ZNF597: variants seen among roughly 807,000 people sequenced by gnomAD.
ZNF597 encodes zinc finger protein 597.
In ZNF597, 5 loss-of-function variants were observed where a neutral mutation model predicts 7.3. That is an observed-to-expected ratio of 0.68 (90% CI 0.36 to 1.44). The LOEUF (loss-of-function observed/expected upper bound fraction) is 1.44. Ranked by LOEUF, ZNF597 falls within the 40% of genes most tolerant of loss-of-function variation. The pLI, the probability that ZNF597 is intolerant of heterozygous loss-of-function variation, is 0.04. For synonymous variants in ZNF597, 209 were observed against 185.4 expected, an observed-to-expected ratio of 1.13 and a Z score of -1.04; for missense variants, 585 against 517.9, an observed-to-expected ratio of 1.13 and a Z score of -1.26.
intron 2 of ZNF597, among the ~76,000 whole-genome samples, chr16:3,441,302 C>T (rs992783618): frequency 6.6e-6 from 1 of 151,688 alleles, no homozygotes; most frequent in African/African-American, 2.4e-5. Flanking sequence ...AATCCCAACA[C>T]TTTGGGAGTC....
Position 3,432,590 on chromosome 16 carries a change from C to T in ZNF597, c.*3834G>A, listed in dbSNP as rs2034266475. On this transcript the variant is annotated 3_prime_UTR_variant, in exon 4 of 4. Transcript: ENST00000301744. ...ACAATAAATAGAATTCTGAGGTATC[C>T]AAAGGAACTGGAGATTACAGCACAT... 1 of 151,998 alleles carries T rather than the reference C, an allele frequency of 6.6e-6. No individual in the cohort carries two copies. The highest frequency in any genetic ancestry group is 1.5e-5 in the Non-Finnish European group (1 of 67,996). 9.4% of individuals were successfully genotyped at this position (151,998 alleles called of 1,614,324 possible). A position where few individuals can be genotyped will look rare whatever the true frequency, so the allele number is the denominator to read the frequency against.
Position 3,434,916 on chromosome 16 carries a change from C to T in ZNF597, c.*1508G>A, listed in dbSNP as rs777588126. 2.0e-5 allele frequency: 3 copies of T among 152,302 alleles called. No individual in the cohort carries two copies. Among genetic ancestry groups the T allele is most frequent in the African/African-American group, 7.2e-5 (3 of 41,552 alleles). The allele number at this position is 152,302 out of a possible 1,614,324, so 9.4% of individuals were successfully genotyped here. A position where few individuals can be genotyped will look rare whatever the true frequency, so the allele number is the denominator to read the frequency against. On this transcript the variant is annotated 3_prime_UTR_variant, in exon 4 of 4. Transcript: ENST00000301744. ...AAATATTGTTTTGCTGATAGGCATA[C>T]AATCGACTTTAATGAGAAATTGTAT...
rs1227864066 is a variant in ZNF597, at chr16:3,433,136, A to T, written c.*3288T>A. 1.3e-5 allele frequency: 2 copies of T among 152,246 alleles called. No individual in the cohort carries two copies. The highest frequency in any genetic ancestry group is 2.9e-5 in the Non-Finnish European group (2 of 68,046). The allele number at this position is 152,246 out of a possible 1,614,324, so 9.4% of individuals were successfully genotyped here. On this transcript the variant is annotated 3_prime_UTR_variant, in exon 4 of 4. Transcript: ENST00000301744. The stretch of plus-strand genomic sequence containing the variant: ...TTTTAACTCCCTGAATTATTGGGTT[A>T]GTCATTTTCTATGTTAAATGAGGAG...
At position 3,434,042 on chromosome 16, in the gene ZNF597, A is replaced by C. The variant is rs2034277795; in HGVS notation, c.*2382T>G. On this transcript the variant is annotated 3_prime_UTR_variant, in exon 4 of 4. Transcript: ENST00000301744. Reference sequence around the variant, plus strand: ...TGTGGAAAGGCAAACTTCCATATTAAGGTGCAGAACAGGATGTATGGCACA... The same window carrying C: ...TGTGGAAAGGCAAACTTCCATATTACGGTGCAGAACAGGATGTATGGCACA... The C allele has an allele frequency of 6.6e-6, 1 of 152,232 alleles. No homozygotes were observed. The highest frequency in any genetic ancestry group is 2.4e-5 in the African/African-American group (1 of 41,460). 9.4% of individuals were successfully genotyped at this position (152,232 alleles called of 1,614,324 possible). A position where few individuals can be genotyped will look rare whatever the true frequency, so the allele number is the denominator to read the frequency against.
At chr16:3,438,679 A>G (rs2034331640) in intron 3 of ZNF597, among the ~76,000 whole-genome samples, 1 of 152,252 alleles carries the variant, frequency 6.6e-6, no homozygotes, top group African/African-American at 2.4e-5. Context: ...TATTATCACC[A>G]GGAGAACTCT....
At chr16:3,442,858 A>C (rs190431145) in intron 2 of ZNF597, among the ~76,000 whole-genome samples, 10 of 152,252 alleles carry the variant, frequency 6.6e-5, no homozygotes, top group Non-Finnish European at 1.5e-4. Flanking sequence ...TCCAAACAAA[A>C]CAAAACAAAC....
rs1022746721 is a variant in ZNF597, at chr16:3,434,045, T to G, written c.*2379A>C. 1 of 152,182 alleles carries G rather than the reference T, an allele frequency of 6.6e-6. No homozygotes were observed. The highest frequency in any genetic ancestry group is 1.5e-5 in the Non-Finnish European group (1 of 68,046). 9.4% of individuals were successfully genotyped at this position (152,182 alleles called of 1,614,324 possible). The stretch of plus-strand genomic sequence containing the variant: ...GGAAAGGCAAACTTCCATATTAAGG[T>G]GCAGAACAGGATGTATGGCACAAAT... On this transcript the variant is annotated 3_prime_UTR_variant, in exon 4 of 4. Transcript: ENST00000301744.
Position 3,436,598 on chromosome 16 carries a change from C to A in ZNF597, c.1101G>T (p.Arg367Ser), listed in dbSNP as rs773755008. ...ISHQNIHTEE[R>S]PHKCKTCEES... Reference sequence around the variant, plus strand: ...CCTCGCATGTTTTGCACTTATGGGGCCTTTCCTCTGTATGAATGTTCTGAT... The same window carrying A: ...CCTCGCATGTTTTGCACTTATGGGGACTTTCCTCTGTATGAATGTTCTGAT... The change falls in exon 4 of 4, where the codon AGG becomes AGT. Residue 367 changes from arginine (R) to serine (S), a missense_variant. Arg to Ser is a moderately radical substitution (Grantham distance 110). Transcript: ENST00000301744. 5.6e-6 allele frequency: 9 copies of A among 1,606,686 alleles called. No homozygotes were observed. The highest frequency in any genetic ancestry group is 4.4e-5 in the South Asian group (4 of 90,426).
chr16:3,432,658 CT>C lies in ZNF597; in HGVS notation c.*3765del, dbSNP rs1426539505. On this transcript the variant is annotated 3_prime_UTR_variant, in exon 4 of 4. Coordinates refer to ENST00000301744, the MANE Select transcript of ZNF597 (RefSeq NM_152457.3). Reference sequence around the variant, plus strand: ...AGAATATTTATATTGTATTCCCCCCCTACAGACTTAATGCAAAGAGGACTGT... The same window carrying C: ...AGAATATTTATATTGTATTCCCCCCCACAGACTTAATGCAAAGAGGACTGT... 1 of 152,182 alleles carries C rather than the reference CT, an allele frequency of 6.6e-6. No homozygotes were observed. The highest frequency in any genetic ancestry group is 2.1e-4 in the South Asian group (1 of 4,828). 9.4% of individuals were successfully genotyped at this position (152,182 alleles called of 1,614,324 possible).
chr16:3,442,163 T>C (rs994310923), intron 2 of ZNF597, among the ~76,000 whole-genome samples: 1 of 152,174 alleles, frequency 6.6e-6, no homozygotes, highest in African/African-American at 2.4e-5. Context: ...TCTAACGGTG[T>C]GATAAATTAA....
At chr16:3,438,706 C>A (rs2034331879) in intron 3 of ZNF597, among the ~76,000 whole-genome samples, 1 of 152,152 alleles carries the variant, frequency 6.6e-6, no homozygotes, top group African/African-American at 2.4e-5. Context: ...TCTCTTTACT[C>A]CTCACTGAGG....
At chr16:3,439,820 G>C (rs1240237381) in intron 3 of ZNF597, among the ~76,000 whole-genome samples, 1 of 151,842 alleles carries the variant, frequency 6.6e-6, no homozygotes, top group Non-Finnish European at 1.5e-5. Context: ...ATAACTAGAA[G>C]ACAAATCAAT....
intron 2 of ZNF597, among the ~76,000 whole-genome samples, 170 bp from the exon 3 acceptor site, chr16:3,441,103 G>C (rs2034363606): frequency 6.6e-6 from 1 of 152,228 alleles, no homozygotes; most frequent in Non-Finnish European, 1.5e-5. Context: ...GTGGGGTGAG[G>C]GTTGGGAAGA....
chr16:3,436,734 G>A lies in ZNF597; in HGVS notation c.965C>T (p.Ser322Phe). 1.2e-6 allele frequency: 2 copies of A among 1,614,082 alleles called. No individual in the cohort carries two copies. Among genetic ancestry groups the A allele is most frequent in the Non-Finnish European group, 1.7e-6 (2 of 1,180,040 alleles). Residue 322 changes from serine to phenylalanine, a missense_variant, in exon 4 of 4, where the codon TCT becomes TTT. Coordinates refer to ENST00000301744, the MANE Select transcript of ZNF597 (RefSeq NM_152457.3). ...GTCCCCATCATCGCTGCAGCGTTCA[G>A]AGTCCTCGTCGTGGCTCTTCTCGGA... ...ALSEKSHDED[S>F]ERCSDDGDNF...
rs1055950715 is a variant in ZNF597, at chr16:3,433,395, C to G, written c.*3029G>C. ...TGGATATACATTTTCATCACTGCAT[C>G]AACGACAAAAACGGAGAAATTTGTC... On this transcript the variant is annotated 3_prime_UTR_variant, in exon 4 of 4. Transcript: ENST00000301744. The G allele has an allele frequency of 6.6e-6, 1 of 152,204 alleles. No individual in the cohort carries two copies. Among genetic ancestry groups the G allele is most frequent in the Non-Finnish European group, 1.5e-5 (1 of 68,042 alleles). 9.4% of individuals were successfully genotyped at this position (152,204 alleles called of 1,614,324 possible).
intron 2 of ZNF597, among the ~76,000 whole-genome samples, chr16:3,441,515 T>C (rs985913154): frequency 1.2e-4 from 18 of 152,256 alleles, no homozygotes; most frequent in African/African-American, 4.3e-4. Flanking sequence ...GGTGAAATTC[T>C]GTCTGCACTA....
rs760869648 is a variant in ZNF597, at chr16:3,436,383, C to G, written c.*41G>C. 2 of 1,580,014 alleles carry G rather than the reference C, an allele frequency of 1.3e-6. No individual in the cohort carries two copies. The highest frequency in any genetic ancestry group is 1.7e-6 in the Non-Finnish European group (2 of 1,160,762). On this transcript the variant is annotated 3_prime_UTR_variant, in exon 4 of 4. Transcript: ENST00000301744. Reference sequence around the variant, plus strand: ...GTAACTGCTTCCCACCATACAGATACTGAAAAGCCCAATCACTAATAACAA... The same window carrying G: ...GTAACTGCTTCCCACCATACAGATAGTGAAAAGCCCAATCACTAATAACAA...
chr16:3,440,073 T>G (rs917060690), intron 3 of ZNF597, among the ~76,000 whole-genome samples: 2 of 152,114 alleles, frequency 1.3e-5, no homozygotes, highest in African/African-American at 4.8e-5. Flanking sequence ...CTACTTAGAA[T>G]AGATAGTTTA....
intron 2 of ZNF597, 51 bp downstream of exon 2, chr16:3,443,070 C>T: frequency 6.2e-7 from 1 of 1,612,622 alleles, no homozygotes; most frequent in African/African-American, 1.3e-5. Context: ...GGGGGTCAGG[C>T]AGAGACCGAA....
Sources: gnomAD v4.1 joint callset for allele counts (sites outside exome capture counted in the v4.1 genomes callset) on GRCh38, gnomAD v4.1.1 for gene constraint, MANE v1.5 for transcripts, NCBI Gene and HGNC (gene_info 2026-07-23, HGNC 2026-07-21) for gene names.